Variants in UBASH3B observed in about 807,000 individuals in gnomAD.
UBASH3B encodes ubiquitin associated and SH3 domain containing B, also known as ubiquitin-associated and SH3 domain-containing protein B.
Under a neutral mutation model 83.4 loss-of-function variants are expected in UBASH3B, and 37 were observed. The observed-to-expected ratio is 0.44, with a 90% CI of 0.34 to 0.58. The LOEUF is 0.58. UBASH3B is among the 20% of genes least tolerant of loss of function. UBASH3B has a pLI of 0.01. For synonymous variants in UBASH3B, 304 were observed against 318.3 expected, an observed-to-expected ratio of 0.96 and a Z score of 0.48; for missense variants, 657 against 827.2, an observed-to-expected ratio of 0.79 and a Z score of 2.52.
At chr11:122,712,904 T>A (rs866922696) in intron 1 of UBASH3B, among the ~76,000 whole-genome samples, 30 of 92,420 alleles carry the variant, frequency 3.2e-4, no homozygotes, top group African/African-American at 1.1e-3. Context: ...TGGTTTTTTT[T>A]TTTTTTTTTT....
chr11:122,681,372 C>G (rs1340110747), intron 1 of UBASH3B, among the ~76,000 whole-genome samples: 1 of 152,160 alleles, frequency 6.6e-6, no homozygotes, highest in African/African-American at 2.4e-5. Flanking sequence ...CAAACAGGAA[C>G]AGTGCTCACA....
At chr11:122,696,965 T>A (rs1258513180) in intron 1 of UBASH3B, among the ~76,000 whole-genome samples, 5 of 152,148 alleles carry the variant, frequency 3.3e-5, no homozygotes, top group African/African-American at 1.2e-4. Flanking sequence ...GTTTTTCAAG[T>A]AAAGATCAGG....
chr11:122,659,963 C>T (rs887616226), intron 1 of UBASH3B, among the ~76,000 whole-genome samples: 1 of 152,162 alleles, frequency 6.6e-6, no homozygotes, highest in Non-Finnish European at 1.5e-5. Context: ...CCACCCAGCC[C>T]GTGCTGGGCT....
At chr11:122,691,597 A>T (rs1863898774) in intron 1 of UBASH3B, among the ~76,000 whole-genome samples, 1 of 152,164 alleles carries the variant, frequency 6.6e-6, no homozygotes, top group African/African-American at 2.4e-5. Flanking sequence ...TAAAATCTTT[A>T]TTGAAAAGTG....
chr11:122,662,837 G>T (rs546569391), intron 1 of UBASH3B, among the ~76,000 whole-genome samples: 1 of 152,084 alleles, frequency 6.6e-6, no homozygotes, highest in East Asian at 1.9e-4. Flanking sequence ...ATATTTTTTA[G>T]ACTCATCCTG....
intron 1 of UBASH3B, among the ~76,000 whole-genome samples, chr11:122,679,144 T>C (rs1184610475): frequency 6.6e-6 from 1 of 151,880 alleles, no homozygotes; most frequent in African/African-American, 2.4e-5. Flanking sequence ...GGAGCTGAGG[T>C]TGGGAAGACA....
chr11:122,785,606 C>G (rs1010158932), intron 5 of UBASH3B, among the ~76,000 whole-genome samples: 1 of 152,168 alleles, frequency 6.6e-6, no homozygotes. Context: ...ATATACCAAC[C>G]GATAGAAATC....
At chr11:122,717,645 G>A (rs1299575602) in intron 1 of UBASH3B, among the ~76,000 whole-genome samples, 2 of 152,188 alleles carry the variant, frequency 1.3e-5, no homozygotes, top group Non-Finnish European at 2.9e-5. Flanking sequence ...TAGAAAGTGT[G>A]TATTTTCCAC....
intron 1 of UBASH3B, among the ~76,000 whole-genome samples, chr11:122,663,253 A>G (rs1007862082): frequency 6.6e-6 from 1 of 152,246 alleles, no homozygotes; most frequent in Non-Finnish European, 1.5e-5. Flanking sequence ...CTGGGATTAC[A>G]GGCATAAGCC....
intron 1 of UBASH3B, among the ~76,000 whole-genome samples, chr11:122,738,370 C>T (rs7126066): frequency 0.071 from 10,808 of 152,210 alleles, 1,058 homozygotes; most frequent in African/African-American, 0.22. Context: ...TGCAATTGAG[C>T]ACTTGAGAGA....
chr11:122,738,307 CTT>C (rs1860968284), intron 1 of UBASH3B, among the ~76,000 whole-genome samples: 1 of 152,126 alleles, frequency 6.6e-6, no homozygotes, highest in South Asian at 2.1e-4. Context: ...CTATTAGGGA[CTT>C]TGTTAGTGGG....
chr11:122,677,150 C>T (rs1213594875), intron 1 of UBASH3B, among the ~76,000 whole-genome samples: 2 of 152,128 alleles, frequency 1.3e-5, no homozygotes, highest in African/African-American at 4.8e-5. Context: ...TACAGTATAA[C>T]AACTATTTAC....
chr11:122,730,562 C>A (rs1860825529), intron 1 of UBASH3B, among the ~76,000 whole-genome samples: 2 of 152,020 alleles, frequency 1.3e-5, no homozygotes, highest in Admixed American at 1.3e-4. Flanking sequence ...CTTGCCTTCT[C>A]AGCCCGCTGT....
At chr11:122,662,417 TTTTTC>T (rs1186178795) in intron 1 of UBASH3B, among the ~76,000 whole-genome samples, 19 of 143,672 alleles carry the variant, frequency 1.3e-4, no homozygotes, top group African/African-American at 4.3e-4. Context: ...CACCAGTCGC[TTTTTC>T]TTTTCTTTTC....
chr11:122,733,300 T>TA (rs1402537743), intron 1 of UBASH3B, among the ~76,000 whole-genome samples: 2 of 152,220 alleles, frequency 1.3e-5, no homozygotes, highest in African/African-American at 4.8e-5. Flanking sequence ...CTTCAATCTC[T>TA]ATTATTTCTG....
At chr11:122,718,472 G>A (rs1860563827) in intron 1 of UBASH3B, among the ~76,000 whole-genome samples, 1 of 152,138 alleles carries the variant, frequency 6.6e-6, no homozygotes, top group Non-Finnish European at 1.5e-5. Context: ...CCAGCCGTGT[G>A]ACCTTGGGCA....
At chr11:122,659,540 G>C (rs11218742) in intron 1 of UBASH3B, among the ~76,000 whole-genome samples, 7,052 of 152,230 alleles carry the variant, frequency 0.046, 353 homozygotes, top group East Asian at 0.13. Context: ...GCCCTCGGAG[G>C]CTTCAGAGAA....
intron 5 of UBASH3B, among the ~76,000 whole-genome samples, chr11:122,787,150 A>T (rs1860970459): frequency 6.6e-6 from 1 of 152,036 alleles, no homozygotes; most frequent in African/African-American, 2.4e-5. Context: ...TTTCCCTGTG[A>T]CTCGGTGACT....
chr11:122,805,131 G>A (rs1484740223), intron 11 of UBASH3B, among the ~76,000 whole-genome samples: 1 of 152,218 alleles, frequency 6.6e-6, no homozygotes, highest in Non-Finnish European at 1.5e-5. Context: ...CATGTGACTG[G>A]GGAAGCCTCA....
Sources: allele counts gnomAD v4.1 joint callset (sites outside exome capture counted in the v4.1 genomes callset), GRCh38; gene constraint gnomAD v4.1.1; transcripts MANE v1.5; gene names NCBI Gene and HGNC (gene_info 2026-07-23, HGNC 2026-07-21).